The following POLR2F variants were observed in gnomAD, a reference collection of about 807,000 sequenced individuals.
POLR2F encodes the protein RNA polymerase II, I and III subunit F, also known as DNA-directed RNA polymerases I, II, and III subunit RPABC2.
Under a neutral mutation model 22.7 loss-of-function variants are expected in POLR2F, and 12 were observed. That is an observed-to-expected ratio of 0.53 (90% CI 0.34 to 0.86). The LOEUF is 0.86. Ranked by LOEUF, POLR2F falls within the 40% of genes least tolerant of loss-of-function variation. The pLI, the probability that POLR2F is intolerant of heterozygous loss-of-function variation, is 0.02. For synonymous variants in POLR2F, 57 were observed against 66.0 expected (o/e 0.86, Z 0.66); for missense variants, 126 against 171.5 (o/e 0.73, Z 1.48).
chr22:38,020,013 T>C (rs2084946445), intron 1 of POLR2F, among the ~76,000 whole-genome samples: 1 of 145,730 alleles, frequency 6.9e-6, no homozygotes, highest in East Asian at 2.0e-4. Context: ...AAACTCTGTC[T>C]AAAAAAAAAA....
At chr22:38,041,458 G>A (rs2085171433), downstream of POLR2F, 2 of 313,324 alleles carry the variant, frequency 6.4e-6, no homozygotes, top group Admixed American at 4.4e-5. Flanking sequence ...TGGAAGGCTT[G>A]TGGGCGGTGG....
In POLR2F at chr22:37,974,637, G is replaced by A. The variant is rs559298929; in HGVS notation, c.293+7467G>A. ...CAAAGTGCTGGGATTACCATCATGA[G>A]CCACTGCGCCCCACAGCATTTGTTT... On this transcript the variant is annotated intron_variant, in intron 4 of 4. Transcript: ENST00000405557. This position sits in a 1 kb window ranked among gnomAD's most constrained non-coding sequence, Gnocchi z 5.4. Among the ~76,000 whole-genome samples, 3 of 152,310 alleles carry A rather than the reference G, an allele frequency of 2.0e-5. No individual in the cohort carries two copies. In the South Asian group the frequency reaches 6.2e-4, roughly 32 times the overall value.
intron 1 of POLR2F, among the ~76,000 whole-genome samples, chr22:37,993,018 A>C (rs1367451884): frequency 6.6e-6 from 1 of 152,150 alleles, no homozygotes. Context: ...ACATGTCTAG[A>C]CACTAGGCAA....
At chr22:37,962,265 A>T (rs1464624347) in intron 3 of POLR2F, among the ~76,000 whole-genome samples, 3 of 151,952 alleles carry the variant, frequency 2.0e-5, no homozygotes, top group Non-Finnish European at 4.4e-5. Flanking sequence ...AAACAAAGGA[A>T]AGCTGGGGCC....
At chr22:37,977,618 C>T (rs1009084192) in intron 4 of POLR2F, among the ~76,000 whole-genome samples, 5 of 152,130 alleles carry the variant, frequency 3.3e-5, no homozygotes, top group African/African-American at 1.2e-4. Context: ...CCACACCCGG[C>T]GGCCTCCACA....
chr22:37,982,168 T>C (rs1287946899), upstream of POLR2F, among the ~76,000 whole-genome samples: 1 of 152,120 alleles, frequency 6.6e-6, no homozygotes, highest in Non-Finnish European at 1.5e-5. Context: ...CCTCAAAGTG[T>C]AGGTGATCCA....
rs1347630828 is a variant in POLR2F at position 37,974,423 on chromosome 22, G to C, written c.293+7253G>C. ...ACTGGAGTGCAGTGGCGCCATCTCG[G>C]CTCACTGCAACCTCTGCCTCCTGGG... On this transcript the variant is annotated intron_variant, in intron 4 of 4. Coordinates refer to the POLR2F transcript ENST00000405557. This position sits in a 1 kb window ranked among gnomAD's most constrained non-coding sequence, Gnocchi z 5.4. Among the ~76,000 whole-genome samples the C allele has an allele frequency of 9.9e-5, 15 of 151,614 alleles. No individual in the cohort carries two copies. Among genetic ancestry groups the C allele is most frequent in the Non-Finnish European group, 1.9e-4 (13 of 67,940 alleles).
intron 1 of POLR2F, among the ~76,000 whole-genome samples, chr22:38,022,495 G>A (rs906038225): frequency 6.9e-6 from 1 of 145,686 alleles, no homozygotes; most frequent in Non-Finnish European, 1.5e-5. Context: ...AGGTTGCAGT[G>A]ACCCGAGATT....
chr22:37,977,087 G>T (rs1052993881), intron 4 of POLR2F, among the ~76,000 whole-genome samples: 1 of 150,876 alleles, frequency 6.6e-6, no homozygotes, highest in Non-Finnish European at 1.5e-5. Context: ...AGAATTGCTT[G>T]AACCCGGGAG....
chr22:38,006,020 C>G (rs1359684538), intron 1 of POLR2F, among the ~76,000 whole-genome samples: 1 of 152,146 alleles, frequency 6.6e-6, no homozygotes, highest in Non-Finnish European at 1.5e-5. Flanking sequence ...GCCAGGAGTT[C>G]AAGACCAGCC....
intron 1 of POLR2F, among the ~76,000 whole-genome samples, chr22:38,022,128 CA>C (rs11315200): frequency 0.59 from 79,466 of 134,306 alleles, 21,928 homozygotes; most frequent in East Asian, 0.74. Flanking sequence ...GATACTGTCT[CA>C]AAAAAAAAAA....
At chr22:37,954,617 G>T (rs1422958543) in intron 1 of POLR2F, among the ~76,000 whole-genome samples, 2 of 152,178 alleles carry the variant, frequency 1.3e-5, no homozygotes, top group Non-Finnish European at 1.5e-5. Flanking sequence ...TAGTAATCTA[G>T]ATGAGAGAAG....
At chr22:38,039,368 G>A (rs944128784) in intron 5 of POLR2F, among the ~76,000 whole-genome samples, 2 of 152,166 alleles carry the variant, frequency 1.3e-5, no homozygotes, top group African/African-American at 4.8e-5. Context: ...CCCTGCCCAC[G>A]TCCCCTCACA....
rs759394820 is a variant in POLR2F, at chr22:37,967,212, G to A, written c.293+42G>A. On this transcript the variant is annotated intron_variant, in intron 4 of 4. Transcript: ENST00000442738. ...ATGGTTCACTTCTCCAAATCTCTGG[G>A]AGGCATCTGTTGGGCTCTCTGTTGC... 56 of 1,605,310 alleles carry A rather than the reference G, an allele frequency of 3.5e-5. No homozygotes were observed. The South Asian group carries it at 5.6e-4, about 16-fold the overall frequency.
chr22:38,013,259 C>T (rs2084888049), intron 1 of POLR2F, among the ~76,000 whole-genome samples: 1 of 152,220 alleles, frequency 6.6e-6, no homozygotes, highest in African/African-American at 2.4e-5. Context: ...GATTCTACTG[C>T]CTCAGCTTCC....
At chr22:38,020,623 T>G (rs2084953514) in intron 1 of POLR2F, among the ~76,000 whole-genome samples, 1 of 151,854 alleles carries the variant, frequency 6.6e-6, no homozygotes, top group Non-Finnish European at 1.5e-5. Context: ...ACACCTGTAG[T>G]CCCAGCTACT....
At chr22:38,018,276 G>T (rs914030993) in intron 1 of POLR2F, among the ~76,000 whole-genome samples, 1 of 152,222 alleles carries the variant, frequency 6.6e-6, no homozygotes, top group Non-Finnish European at 1.5e-5. Flanking sequence ...TAGGATCAGG[G>T]CTATGTAGGA....
intron 1 of POLR2F, among the ~76,000 whole-genome samples, chr22:38,013,038 A>T (rs1413292889): frequency 6.6e-6 from 1 of 152,146 alleles, no homozygotes; most frequent in Non-Finnish European, 1.5e-5. Flanking sequence ...TGCCCCACAG[A>T]ACTTATTCTA....
At chr22:38,015,617 C>T (rs1185380011) in intron 1 of POLR2F, among the ~76,000 whole-genome samples, 1 of 152,152 alleles carries the variant, frequency 6.6e-6, no homozygotes, top group African/African-American at 2.4e-5. Context: ...GGGTTGGAAT[C>T]CCGGCTCTGT....
Sources: gnomAD v4.1 joint callset for allele counts (sites outside exome capture counted in the v4.1 genomes callset) on GRCh38, gnomAD v4.1.1 for gene constraint, Gnocchi (gnomAD v3.1) non-coding constraint, MANE v1.5 for transcripts, NCBI Gene and HGNC (gene_info 2026-07-23, HGNC 2026-07-21) for gene names.